SEL1L3: variants seen among roughly 807,000 people sequenced by gnomAD.
SEL1L3 encodes protein sel-1 homolog 3.
A neutral mutation model predicts 142.8 loss-of-function variants in SEL1L3; 76 were observed. The ratio of observed to expected loss-of-function variants is 0.53; its 90% confidence interval spans 0.44 to 0.64. SEL1L3 has a LOEUF of 0.64. Ranked by LOEUF, SEL1L3 falls within the 30% of genes least tolerant of loss-of-function variation. SEL1L3 has a pLI of 0.00. For synonymous variants in SEL1L3, 504 were observed against 519.6 expected (o/e 0.97, Z 0.41); for missense variants, 1,262 against 1,381.7 (o/e 0.91, Z 1.37).
rs763015345 is a variant in SEL1L3, at chr4:25,835,191, C to A, written c.860+6G>T. The stretch of plus-strand genomic sequence containing the variant: ...CGATCAGCTCCCTTCTGCTACCCAT[C>A]CTTACACTGGGTAATCCATCCTCTG... On this transcript the variant is annotated splice_donor_region_variant and intron_variant, in intron 3 of 23. Transcript: ENST00000399878. The A allele has an allele frequency of 6.2e-7, 1 of 1,613,936 alleles. No homozygotes were observed. The highest frequency in any genetic ancestry group is 8.5e-7 in the Non-Finnish European group (1 of 1,179,820).
At chr4:25,766,211 T>A (rs1279575218) in intron 19 of SEL1L3, among the ~76,000 whole-genome samples, 1 of 152,096 alleles carries the variant, frequency 6.6e-6, no homozygotes, top group Non-Finnish European at 1.5e-5. Context: ...GGCTAAGGTG[T>A]GCAGATCACT....
chr4:25,718,708 C>G, the SEL1L3 span: 1 of 152,152 alleles, frequency 6.6e-6, no homozygotes, highest in Non-Finnish European at 1.5e-5. Context: ...TAAGCTGTAT[C>G]ATACCGTAAC....
chr4:25,820,018 T>A lies in SEL1L3; in HGVS notation c.1291-78A>T, dbSNP rs147636558. 213 of 1,419,306 alleles carry A rather than the reference T, an allele frequency of 1.5e-4. 1 individual carries two copies. The African/African-American group carries it at 2.5e-3, about 16-fold the overall frequency. 87.9% of individuals were successfully genotyped at this position (1,419,306 alleles called of 1,614,324 possible). A position where few individuals can be genotyped will look rare whatever the true frequency, so the allele number is the denominator to read the frequency against. ...CCACCTCTAGGAGGATGTGTTTGGG[T>A]TGACTTTGTTCTCCCATTGACATCT... On this transcript the variant is annotated intron_variant, in intron 7 of 23. Coordinates refer to ENST00000399878, the MANE Select transcript of SEL1L3 (RefSeq NM_015187.5).
intron 6 of SEL1L3, among the ~76,000 whole-genome samples, chr4:25,828,260 A>G (rs1327992266): frequency 6.6e-6 from 1 of 152,206 alleles, no homozygotes; most frequent in African/African-American, 2.4e-5. Context: ...CCCAGAGCCT[A>G]AAAGAAATCA....
chr4:25,740,117 C>A, the SEL1L3 span, among the ~76,000 whole-genome samples: 2 of 151,408 alleles, frequency 1.3e-5, no homozygotes, highest in African/African-American at 4.8e-5. Context: ...ACCTTTTCAA[C>A]ATATCTGTTG....
the SEL1L3 span, among the ~76,000 whole-genome samples, chr4:25,724,758 A>AG: frequency 4.3e-5 from 4 of 92,440 alleles, 1 homozygote; most frequent in African/African-American, 9.0e-5. Flanking sequence ...AAAAAAAAAA[A>AG]AAAAAAAAAA....
At chr4:25,774,598 T>C (rs574146051) in intron 17 of SEL1L3, among the ~76,000 whole-genome samples, 1 of 152,342 alleles carries the variant, frequency 6.6e-6, no homozygotes, top group South Asian at 2.1e-4. Flanking sequence ...AGGTGGCTCA[T>C]GCCTGTAATC....
chr4:25,728,950 C>T, the SEL1L3 span, among the ~76,000 whole-genome samples: 69,477 of 151,760 alleles, frequency 0.46, 16,001 homozygotes, highest in African/African-American at 0.46. Context: ...TAGAAAAACT[C>T]TTCACAAATA....
intron 9 of SEL1L3, among the ~76,000 whole-genome samples, chr4:25,806,521 A>C (rs1264264629): frequency 6.6e-6 from 1 of 152,080 alleles, no homozygotes; most frequent in African/African-American, 2.4e-5. Context: ...CCCACAGATG[A>C]AATTGTGAAT....
At chr4:25,750,140 C>T (rs751224824) in intron 23 of SEL1L3, among the ~76,000 whole-genome samples, 2 of 150,522 alleles carry the variant, frequency 1.3e-5, no homozygotes, top group Non-Finnish European at 2.9e-5. Context: ...AGGCTAAAGC[C>T]GGAGAATTGC....
chr4:25,822,963 T>G (rs967688426), intron 6 of SEL1L3, among the ~76,000 whole-genome samples: 1 of 152,096 alleles, frequency 6.6e-6, no homozygotes, highest in Non-Finnish European at 1.5e-5. Flanking sequence ...CTCCAAAATA[T>G]AGTGTTAAGT....
chr4:25,840,838 A>G (rs978650114), intron 2 of SEL1L3, among the ~76,000 whole-genome samples: 8 of 152,078 alleles, frequency 5.3e-5, no homozygotes, highest in Admixed American at 5.2e-4. Context: ...ACTCAACACC[A>G]TGCTCTAGGC....
intron 3 of SEL1L3, 148 bp from the exon 4 acceptor site, chr4:25,833,717 G>A (rs1191094720): frequency 1.5e-6 from 1 of 656,922 alleles, no homozygotes; most frequent in African/African-American, 1.9e-5. Flanking sequence ...AGCTTGCAAA[G>A]CTTGATTTTT....
rs887402696 is a variant in SEL1L3, at chr4:25,819,890, A to G, written c.1341T>C (p.Tyr447=). ...EKQLAEQIKL[Y]YERCAEVQEI... is the part of the protein sequence containing the mutation. ...CTTGAACCTCAGCACACCTTTCATA[A>G]TATAACTTGATTTGTTCAGCAAGTT... Residue 447 remains tyrosine, a synonymous_variant, in exon 8 of 24, where the codon TAT becomes TAC. Transcript: ENST00000399878. The G allele has an allele frequency of 1.2e-6, 2 of 1,613,090 alleles. No individual in the cohort carries two copies. The highest frequency in any genetic ancestry group is 3.3e-5 in the Admixed American group (2 of 59,926).
In SEL1L3 at chr4:25,858,444, T is replaced by C. The variant is rs182997867; in HGVS notation, c.162+4231A>G. Among the ~76,000 whole-genome samples the C allele has an allele frequency of 2.6e-5, 4 of 152,374 alleles. No homozygotes were observed. The South Asian group carries it at 8.3e-4, about 32-fold the overall frequency. Reference sequence around the variant, plus strand: ...GGGTTAATGAATACTCTTAGATGGATGACCGAGGGTGTGTGGCCACTTACA... The same window carrying C: ...GGGTTAATGAATACTCTTAGATGGACGACCGAGGGTGTGTGGCCACTTACA... On this transcript the variant is annotated intron_variant, in intron 1 of 23. Transcript: ENST00000399878.
At chr4:25,746,460 G>A (rs1008100484), downstream of SEL1L3, among the ~76,000 whole-genome samples, 1 of 140,396 alleles carries the variant, frequency 7.1e-6, no homozygotes, top group East Asian at 2.0e-4. Context: ...AGTGAGCCGA[G>A]ATCGTGCCAC....
At chr4:25,832,370 G>C (rs1030716146) in intron 5 of SEL1L3, among the ~76,000 whole-genome samples, 2 of 152,170 alleles carry the variant, frequency 1.3e-5, no homozygotes, top group African/African-American at 4.8e-5. Context: ...TGTATATTGA[G>C]AAATAGAACT....
At chr4:25,856,262 CG>C (rs575383803) in intron 1 of SEL1L3, among the ~76,000 whole-genome samples, 137 of 152,266 alleles carry the variant, frequency 9.0e-4, no homozygotes, top group African/African-American at 3.1e-3. Context: ...GGTAAGGTCA[CG>C]TATCTGTATT....
At chr4:25,734,722 C>T in the SEL1L3 span, among the ~76,000 whole-genome samples, 22 of 152,064 alleles carry the variant, frequency 1.4e-4, no homozygotes, top group South Asian at 4.2e-4. Context: ...GCGCCCACCA[C>T]AATGCCTGGC....
Sources: allele counts gnomAD v4.1 joint callset (sites outside exome capture counted in the v4.1 genomes callset), GRCh38; gene constraint gnomAD v4.1.1; transcripts MANE v1.5; gene names NCBI Gene and HGNC (gene_info 2026-07-23, HGNC 2026-07-21).